L3HYPDH: variants seen among roughly 807,000 people sequenced by gnomAD.
L3HYPDH encodes trans-3-hydroxy-L-proline dehydratase.
A neutral mutation model predicts 26.5 loss-of-function variants in L3HYPDH; 32 were observed. The ratio of observed to expected loss-of-function variants is 1.21; its 90% CI spans 0.91 to 1.62. The LOEUF (loss-of-function observed/expected upper bound fraction) is 1.62, where lower values mean the gene tolerates loss of function less well. L3HYPDH is among the 40% of genes most tolerant of loss of function. The probability of loss-of-function intolerance (pLI) is 0.00; values close to 1 mark genes in which losing one functional copy is unlikely to be tolerated. For missense variants in L3HYPDH, 554 were observed against 476.4 expected (o/e 1.16, Z -1.52); for synonymous variants, 215 against 196.6 (o/e 1.09, Z -0.78).
chr14:59,482,798 C>T (rs1890125584), intron 1 of L3HYPDH, among the ~76,000 whole-genome samples: 1 of 152,202 alleles, frequency 6.6e-6, no homozygotes, highest in African/African-American at 2.4e-5. Context: ...AACTTTCTAA[C>T]AGATGATTTG....
chr14:59,504,285 A>G, the L3HYPDH span: 4 of 532,956 alleles, frequency 7.5e-6, no homozygotes, highest in Middle Eastern at 4.9e-4. Context: ...GGGTAATATT[A>G]TCTGCTACAC....
rs1889589956 is a variant in L3HYPDH, at chr14:59,475,869, C to A, written c.939G>T (p.Arg313Ser). The stretch of plus-strand genomic sequence containing the variant: ...ATAAGAAGCTAAGGGTGCCACTTAC[C>A]CTCACAGCTTTCCCTGTGAATACTG... ...TGSVFTGKAV[R>S]EAKCGDFKAV... Residue 313 changes from arginine to serine, a missense_variant and splice_region_variant, in exon 4 of 5, where the codon AGG becomes AGT. Physicochemically the swap from Arg to Ser is moderately radical, Grantham distance 110. Coordinates refer to ENST00000247194, the MANE Select transcript of L3HYPDH (RefSeq NM_144581.2). The A allele has an allele frequency of 6.2e-7, 1 of 1,611,358 alleles. No individual in the cohort carries two copies. Among genetic ancestry groups the A allele is most frequent in the Non-Finnish European group, 8.5e-7 (1 of 1,179,260 alleles).
chr14:59,498,324 T>A, the L3HYPDH span, among the ~76,000 whole-genome samples: 7 of 152,230 alleles, frequency 4.6e-5, no homozygotes, highest in African/African-American at 1.7e-4. Context: ...GCAGCATGAA[T>A]ATACTATAAA....
At chr14:59,501,058 C>G in the L3HYPDH span, 3 of 609,126 alleles carry the variant, frequency 4.9e-6, no homozygotes, top group Admixed American at 6.4e-5. Context: ...GCCTCAGAAC[C>G]TTAGGTTGTA....
At chr14:59,484,818 G>T, upstream of L3HYPDH, 2 of 945,408 alleles carry the variant, frequency 2.1e-6, no homozygotes, top group Non-Finnish European at 3.1e-6. Flanking sequence ...CGAAATGCCA[G>T]GTCTTTGTTG....
chr14:59,498,720 T>C, the L3HYPDH span: 4 of 1,385,754 alleles, frequency 2.9e-6, no homozygotes, highest in South Asian at 5.3e-5. Flanking sequence ...TTTATTTTAT[T>C]TTACAGATAT....
At chr14:59,499,408 A>C in the L3HYPDH span, among the ~76,000 whole-genome samples, 116 of 152,304 alleles carry the variant, frequency 7.6e-4, no homozygotes, top group African/African-American at 2.6e-3. Context: ...TTTATTATTA[A>C]GTAGGGTCTT....
chr14:59,468,530 G>A (rs74057197), downstream of L3HYPDH, among the ~76,000 whole-genome samples: 1,864 of 152,176 alleles, frequency 0.012, 34 homozygotes, highest in African/African-American at 0.042. Flanking sequence ...GACTGATACC[G>A]TCCTTTCCCC....
Position 59,484,162 on chromosome 14 carries a change from C to T in L3HYPDH, c.155G>A (p.Arg52His). 2.5e-6 allele frequency: 4 copies of T among 1,600,428 alleles called. No individual in the cohort carries two copies. Among genetic ancestry groups the T allele is most frequent in the Non-Finnish European group, 2.5e-6 (3 of 1,179,416 alleles). ...VSGPTLLAKR[R>H]YMRQHLDHVR... The stretch of plus-strand genomic sequence containing the variant: ...GTGGTCAAGGTGCTGGCGCATGTAG[C>T]GCCGCTTGGCCAGCAGGGTGGGCCC... Residue 52 changes from arginine to histidine, a missense_variant, in exon 1 of 5, where the codon CGC becomes CAC. Coordinates refer to ENST00000247194, the MANE Select transcript of L3HYPDH (RefSeq NM_144581.2).
chr14:59,486,587 CT>C (rs1472212251), upstream of L3HYPDH: 2 of 670,912 alleles, frequency 3.0e-6, no homozygotes, highest in Admixed American at 2.8e-5. Context: ...TGCTTCAAGA[CT>C]TTTGTCTAAT....
chr14:59,474,646 T>C, intron 4 of L3HYPDH: 2 of 584,134 alleles, frequency 3.4e-6, no homozygotes, highest in South Asian at 2.2e-5. Flanking sequence ...ACTCACTAAC[T>C]AACCTCTGGT....
At chr14:59,493,490 C>G in the L3HYPDH span, among the ~76,000 whole-genome samples, 2 of 152,152 alleles carry the variant, frequency 1.3e-5, no homozygotes, top group Non-Finnish European at 2.9e-5. Context: ...GTTCTTGTTT[C>G]AAGCCACTAA....
At chr14:59,469,191 C>T (rs980956106), downstream of L3HYPDH, among the ~76,000 whole-genome samples, 4 of 152,082 alleles carry the variant, frequency 2.6e-5, no homozygotes, top group Admixed American at 6.5e-5. Context: ...ACTGGTGTAC[C>T]AGTTTCCCAG....
the L3HYPDH span, among the ~76,000 whole-genome samples, chr14:59,499,507 T>C: frequency 6.6e-6 from 1 of 152,204 alleles, no homozygotes; most frequent in Non-Finnish European, 1.5e-5. Flanking sequence ...TTCATTTGTT[T>C]AGTAACCATT....
chr14:59,475,831 G>A (rs368100684), intron 4 of L3HYPDH, 38 bp downstream of exon 4: 1 of 1,582,848 alleles, frequency 6.3e-7, no homozygotes, highest in Non-Finnish European at 8.6e-7. Context: ...TCTCATGAGT[G>A]ACACATTTAT....
At chr14:59,469,131 C>T (rs1384766141), downstream of L3HYPDH, among the ~76,000 whole-genome samples, 1 of 152,186 alleles carries the variant, frequency 6.6e-6, no homozygotes, top group Non-Finnish European at 1.5e-5. Context: ...CTTCAGTTTT[C>T]AGACCTTATG....
chr14:59,490,937 C>T, the L3HYPDH span, among the ~76,000 whole-genome samples: 1 of 152,100 alleles, frequency 6.6e-6, no homozygotes, highest in Non-Finnish European at 1.5e-5. Flanking sequence ...GAAGCAGAGA[C>T]TAGAGGGTGG....
At chr14:59,480,107 C>A (rs1459652891) in intron 1 of L3HYPDH, among the ~76,000 whole-genome samples, 3 of 152,102 alleles carry the variant, frequency 2.0e-5, no homozygotes, top group Non-Finnish European at 2.9e-5. Flanking sequence ...GTGATCACTG[C>A]CTTTTAGGGA....
chr14:59,484,092 C>T lies in L3HYPDH; in HGVS notation c.225G>A (p.Met75Ile). 3.7e-6 allele frequency: 6 copies of T among 1,606,470 alleles called. No individual in the cohort carries two copies. The highest frequency in any genetic ancestry group is 5.1e-6 in the Non-Finnish European group (6 of 1,179,474). ...CGCTCGGGACTAGGACCGCCCCGTACATGTCCCGGTGCCCTCGGGGCTCGA... is the reference window on the plus strand; with the variant it reads ...CGCTCGGGACTAGGACCGCCCCGTATATGTCCCGGTGCCCTCGGGGCTCGA... ...LMFEPRGHRD[M>I]YGAVLVPSEL... The change falls in exon 1 of 5, where the codon ATG becomes ATA. Residue 75 changes from methionine (M) to isoleucine (I), a missense_variant. Physicochemically the swap from Met to Ile is conservative, Grantham distance 10. Coordinates refer to ENST00000247194, the MANE Select transcript of L3HYPDH (RefSeq NM_144581.2).
Sources: allele counts gnomAD v4.1 joint callset (sites outside exome capture counted in the v4.1 genomes callset), GRCh38; gene constraint gnomAD v4.1.1; transcripts MANE v1.5; gene names NCBI Gene and HGNC (gene_info 2026-07-23, HGNC 2026-07-21).